The following SEMA3C variants were observed in gnomAD, a reference collection of about 807,000 sequenced individuals.
The protein encoded by SEMA3C is semaphorin 3C.
Under a neutral mutation model 89.4 loss-of-function variants are expected in SEMA3C, and 47 were observed. That is an observed-to-expected ratio of 0.53 (90% CI 0.42 to 0.67). The LOEUF (loss-of-function observed/expected upper bound fraction) is 0.67. Among genes scored for constraint, SEMA3C ranks in the 30% least tolerant of loss-of-function variants. SEMA3C has a pLI of 0.00. For synonymous variants in SEMA3C, 310 were observed against 320.2 expected (o/e 0.97, Z 0.34); for missense variants, 839 against 929.1 (o/e 0.90, Z 1.26).
At chr7:80,891,624 T>C (rs1436248530) in intron 2 of SEMA3C, among the ~76,000 whole-genome samples, 1 of 152,142 alleles carries the variant, frequency 6.6e-6, no homozygotes, top group Admixed American at 6.6e-5. Flanking sequence ...TATCAATTAA[T>C]TAAAAAATAT....
chr7:80,891,444 T>C (rs1791611546), intron 2 of SEMA3C, among the ~76,000 whole-genome samples: 1 of 151,872 alleles, frequency 6.6e-6, no homozygotes, highest in African/African-American at 2.4e-5. Context: ...CCCCTTAAAT[T>C]CTGAGAAATG....
chr7:80,878,150 G>A (rs1338510291), intron 2 of SEMA3C, among the ~76,000 whole-genome samples: 1 of 152,160 alleles, frequency 6.6e-6, no homozygotes, highest in Non-Finnish European at 1.5e-5. Context: ...GGCTGAGGTG[G>A]GCGGATCACC....
chr7:80,745,252 A>G lies in SEMA3C; in HGVS notation c.1898T>C (p.Val633Ala), dbSNP rs754139413. The change falls in exon 18 of 18, where the codon GTT becomes GCT. Residue 633 changes from valine (V) to alanine (A), a missense_variant. Physicochemically the swap from Val to Ala is moderately conservative, Grantham distance 64. Transcript: ENST00000265361. ...ATAAAGTCCTTGGTCAGAACCCTGAACAGAGCGGATCAGGAGTCCCTGTGA... is the reference window on the plus strand; with the variant it reads ...ATAAAGTCCTTGGTCAGAACCCTGAGCAGAGCGGATCAGGAGTCCCTGTGA... ...ATSQGLLIRS[V>A]QGSDQGLYHC... 1.2e-5 allele frequency: 20 copies of G among 1,613,866 alleles called. No homozygotes were observed. Among genetic ancestry groups the G allele is most frequent in the Non-Finnish European group, 1.0e-5 (12 of 1,179,904 alleles).
At chr7:80,856,407 T>C (rs2115964663) in intron 2 of SEMA3C, among the ~76,000 whole-genome samples, 1 of 151,836 alleles carries the variant, frequency 6.6e-6, no homozygotes, top group Middle Eastern at 3.4e-3. Flanking sequence ...AACGAAATGA[T>C]AACCCGGTAG....
At chr7:80,830,784 G>A (rs1046964091) in intron 2 of SEMA3C, among the ~76,000 whole-genome samples, 1 of 152,132 alleles carries the variant, frequency 6.6e-6, no homozygotes, top group Non-Finnish European at 1.5e-5. Flanking sequence ...AGGTGACACA[G>A]CTGGCAGGTG....
At chr7:80,779,126 T>C (rs771173919) in intron 12 of SEMA3C, among the ~76,000 whole-genome samples, 1 of 152,192 alleles carries the variant, frequency 6.6e-6, no homozygotes, top group Non-Finnish European at 1.5e-5. Context: ...TGATGTGAGA[T>C]GGAACTGAGC....
intron 2 of SEMA3C, among the ~76,000 whole-genome samples, chr7:80,913,880 A>C (rs887097238): frequency 2.8e-4 from 43 of 152,174 alleles, no homozygotes; most frequent in African/African-American, 9.9e-4. Flanking sequence ...GAATGGGAGA[A>C]GAGACTCATT....
At chr7:80,879,237 T>C (rs1162758629) in intron 2 of SEMA3C, among the ~76,000 whole-genome samples, 8 of 151,380 alleles carry the variant, frequency 5.3e-5, no homozygotes, top group Non-Finnish European at 2.9e-5. Context: ...CAATGGGAGA[T>C]GTCTGAGCAT....
At chr7:80,920,893 C>T (rs116467304), upstream of SEMA3C, among the ~76,000 whole-genome samples, 1,697 of 152,164 alleles carry the variant, frequency 0.011, 32 homozygotes, top group African/African-American at 0.038. Flanking sequence ...ATATCTCATT[C>T]GGCATTTATA....
intron 2 of SEMA3C, among the ~76,000 whole-genome samples, chr7:80,842,661 T>G (rs143608532): frequency 7.2e-5 from 11 of 152,240 alleles, no homozygotes; most frequent in African/African-American, 2.2e-4. Flanking sequence ...TACAGACATT[T>G]TCATTCCTGA....
At chr7:80,757,560 G>A (rs1188419019) in intron 15 of SEMA3C, among the ~76,000 whole-genome samples, 3 of 152,186 alleles carry the variant, frequency 2.0e-5, no homozygotes, top group Non-Finnish European at 2.9e-5. Context: ...TACTCCTGTA[G>A]CTTGAACTAG....
rs35936052 is a variant in SEMA3C, at chr7:80,851,504, TAAAAAAAAAAA to T, written c.104-22770_104-22760del. 2.1e-3 allele frequency among the ~76,000 whole-genome samples: 148 copies of T among 69,808 alleles called. 1 individual carries two copies. The highest frequency in any genetic ancestry group is 7.4e-3 in the African/African-American group (142 of 19,114). The allele number at this position is 69,808 out of a possible 152,430, so 45.8% of individuals were successfully genotyped here. A position where few individuals can be genotyped will look rare whatever the true frequency, so the allele number is the denominator to read the frequency against. On this transcript the variant is annotated intron_variant, in intron 2 of 17. Transcript: ENST00000265361. ...GGTGACAGAGCAAGACTCTTGTCTTTAAAAAAAAAAAAAAAAAAAAAAAAAAAGACATTCAT... is the reference window on the plus strand; with the variant it reads ...GGTGACAGAGCAAGACTCTTGTCTTTAAAAAAAAAAAAAAAAGACATTCAT...
chr7:80,918,431 A>T (rs564751167), intron 1 of SEMA3C: 1 of 152,340 alleles, frequency 6.6e-6, no homozygotes, highest in African/African-American at 2.4e-5. Flanking sequence ...GGAGTGAAAG[A>T]CTGAAAGCCA....
intron 2 of SEMA3C, among the ~76,000 whole-genome samples, chr7:80,851,132 G>A (rs1272707333): frequency 1.3e-5 from 2 of 151,986 alleles, no homozygotes; most frequent in Non-Finnish European, 2.9e-5. Flanking sequence ...TCCATTTAGG[G>A]CTCACCCAGA....
intron 6 of SEMA3C, among the ~76,000 whole-genome samples, chr7:80,806,885 C>A (rs1789353729): frequency 6.6e-6 from 1 of 151,998 alleles, no homozygotes; most frequent in South Asian, 2.1e-4. Context: ...ATAAGCAGTA[C>A]CAGTCGGCCC....
At chr7:80,872,301 C>G (rs1357251435) in intron 2 of SEMA3C, among the ~76,000 whole-genome samples, 1 of 151,974 alleles carries the variant, frequency 6.6e-6, no homozygotes. Flanking sequence ...CAGGCACGCA[C>G]CACCGTGTCC....
chr7:80,911,668 C>T (rs1792153466), intron 2 of SEMA3C, among the ~76,000 whole-genome samples: 1 of 147,732 alleles, frequency 6.8e-6, no homozygotes, highest in Admixed American at 6.8e-5. Flanking sequence ...GGCTGGAGTA[C>T]AATGGCTCAG....
chr7:80,842,540 A>C (rs1384614009), intron 2 of SEMA3C, among the ~76,000 whole-genome samples: 3 of 152,284 alleles, frequency 2.0e-5, no homozygotes, highest in Non-Finnish European at 4.4e-5. Flanking sequence ...TGGTGGAAAT[A>C]AGGCGCACTT....
chr7:80,912,176 TTTTTCTAAAA>T lies in SEMA3C; in HGVS notation c.103+4493_103+4502del, dbSNP rs1358255819. 3.9e-5 allele frequency among the ~76,000 whole-genome samples: 6 copies of T among 152,278 alleles called. No individual in the cohort carries two copies. In the East Asian group the frequency reaches 1.2e-3, roughly 29 times the overall value. ...AAACAGGAAAATATAGGCTTACACA[TTTTTCTAAAA>T]TTTTTTCTCTAGGAGAAATCCACAG... On this transcript the variant is annotated intron_variant, in intron 2 of 17. Coordinates refer to ENST00000265361, the MANE Select transcript of SEMA3C (RefSeq NM_006379.5).
Sources: allele counts gnomAD v4.1 joint callset (sites outside exome capture counted in the v4.1 genomes callset), GRCh38; gene constraint gnomAD v4.1.1; transcripts MANE v1.5; gene names NCBI Gene and HGNC (gene_info 2026-07-23, HGNC 2026-07-21).